Variants in SKAP1 observed in about 807,000 individuals in gnomAD.
SKAP1 encodes src kinase associated phosphoprotein 1.
In SKAP1, 44 loss-of-function variants were observed where a neutral mutation model predicts 58.5. The ratio of observed to expected loss-of-function variants is 0.75; its 90% CI spans 0.59 to 0.97. The LOEUF is 0.97. Ranked by LOEUF, SKAP1 falls within the 50% of genes least tolerant of loss-of-function variation. SKAP1 has a pLI of 0.00. For missense variants in SKAP1, 390 were observed against 435.2 expected, an observed-to-expected ratio of 0.90 and a Z score of 0.92; for synonymous variants, 127 against 149.7, an observed-to-expected ratio of 0.85 and a Z score of 1.11.
intron 4 of SKAP1, among the ~76,000 whole-genome samples, chr17:48,339,537 A>T (rs78379225): frequency 0.016 from 2,455 of 152,284 alleles, 33 homozygotes; most frequent in Non-Finnish European, 0.024. Flanking sequence ...AATTTTTTCA[A>T]TCTACTAGGG....
At chr17:48,336,424 A>G (rs1396590745) in intron 4 of SKAP1, among the ~76,000 whole-genome samples, 1 of 152,180 alleles carries the variant, frequency 6.6e-6, no homozygotes, top group Non-Finnish European at 1.5e-5. Context: ...ACAGGGGCAG[A>G]GTGAGGTAAG....
At chr17:48,369,546 A>G (rs2067057850) in intron 2 of SKAP1, among the ~76,000 whole-genome samples, 1 of 152,118 alleles carries the variant, frequency 6.6e-6, no homozygotes, top group Non-Finnish European at 1.5e-5. Flanking sequence ...GAAAGGTACA[A>G]ATAAATTGAA....
chr17:48,238,643 G>A (rs2065209034), intron 4 of SKAP1, among the ~76,000 whole-genome samples: 1 of 152,132 alleles, frequency 6.6e-6, no homozygotes. Context: ...AAAGTATTGG[G>A]ATTACAGGTA....
At chr17:48,282,033 G>A (rs933763765) in intron 4 of SKAP1, among the ~76,000 whole-genome samples, 2 of 152,094 alleles carry the variant, frequency 1.3e-5, no homozygotes, top group Non-Finnish European at 1.5e-5. Flanking sequence ...TTCATGCACC[G>A]ATAAGAATGG....
In SKAP1 at chr17:48,418,254, C is replaced by T. The variant is rs552325656; in HGVS notation, c.46+11821G>A. 2.5e-3 allele frequency among the ~76,000 whole-genome samples: 375 copies of T among 152,252 alleles called. 2 individuals carry two copies. Among genetic ancestry groups the T allele is most frequent in the African/African-American group, 8.5e-3 (353 of 41,536 alleles). ...GCAGTGAGCCGTAATCGTGCCACTG[C>T]GCTCCAGCCTGGACAACAGAATGAG... On this transcript the variant is annotated intron_variant, in intron 1 of 12. Coordinates refer to ENST00000336915, the MANE Select transcript of SKAP1 (RefSeq NM_003726.4).
intron 1 of SKAP1, among the ~76,000 whole-genome samples, chr17:48,408,438 T>C (rs1487526920): frequency 1.3e-5 from 2 of 152,060 alleles, no homozygotes; most frequent in Admixed American, 1.3e-4. Flanking sequence ...TCCCAGAGCA[T>C]ACAAAAAGAG....
At chr17:48,247,541 C>T (rs1319719929) in intron 4 of SKAP1, among the ~76,000 whole-genome samples, 3 of 152,142 alleles carry the variant, frequency 2.0e-5, no homozygotes, top group Admixed American at 6.5e-5. Context: ...ACCGTCTTTT[C>T]CTACCTCACA....
intron 4 of SKAP1, among the ~76,000 whole-genome samples, chr17:48,239,862 G>GAC (rs2065226710): frequency 6.6e-6 from 1 of 151,798 alleles, no homozygotes; most frequent in African/African-American, 2.4e-5. Context: ...GAGAGAGAGA[G>GAC]AGAGAGAGAG....
At chr17:48,432,196 C>G (rs2144637990), upstream of SKAP1, among the ~76,000 whole-genome samples, 1 of 152,264 alleles carries the variant, frequency 6.6e-6, no homozygotes, top group South Asian at 2.1e-4. Context: ...TTTGGGAGGC[C>G]AAGGCAGGCG....
intron 1 of SKAP1, among the ~76,000 whole-genome samples, chr17:48,398,913 T>C (rs892113506): frequency 6.6e-6 from 1 of 152,032 alleles, no homozygotes; most frequent in African/African-American, 2.4e-5. Context: ...CCCAGCTACT[T>C]GGGAGGCTGA....
At chr17:48,382,675 C>A (rs1057293251) in intron 2 of SKAP1, 2 of 152,230 alleles carry the variant, frequency 1.3e-5, no homozygotes, top group African/African-American at 4.8e-5. Flanking sequence ...ACTTCTATAA[C>A]CCTCAGTATA....
At chr17:48,411,352 T>A (rs2067662780) in intron 1 of SKAP1, among the ~76,000 whole-genome samples, 1 of 151,820 alleles carries the variant, frequency 6.6e-6, no homozygotes, top group South Asian at 2.1e-4. Flanking sequence ...TGAGCCGACA[T>A]CACGCCACTG....
At chr17:48,286,393 C>A (rs1056488551) in intron 4 of SKAP1, among the ~76,000 whole-genome samples, 11 of 152,174 alleles carry the variant, frequency 7.2e-5, no homozygotes, top group Non-Finnish European at 1.2e-4. Flanking sequence ...TGTAATTATA[C>A]CTAAACCACA....
chr17:48,358,551 C>A (rs1188781045), intron 3 of SKAP1, among the ~76,000 whole-genome samples: 1 of 152,056 alleles, frequency 6.6e-6, no homozygotes, highest in Admixed American at 6.6e-5. Flanking sequence ...TGGCTACCAC[C>A]AATAAAAATG....
chr17:48,153,876 C>A (rs2063935474), intron 11 of SKAP1, among the ~76,000 whole-genome samples: 1 of 149,210 alleles, frequency 6.7e-6, no homozygotes, highest in African/African-American at 2.5e-5. Context: ...CACCTCCTTT[C>A]CCTCAGAGCC....
chr17:48,270,171 A>G (rs2065609543), intron 4 of SKAP1, among the ~76,000 whole-genome samples: 1 of 152,204 alleles, frequency 6.6e-6, no homozygotes, highest in Non-Finnish European at 1.5e-5. Context: ...AAACATAGTG[A>G]AATTTTAAAC....
At chr17:48,440,701 A>G in the SKAP1 span, among the ~76,000 whole-genome samples, 1 of 152,184 alleles carries the variant, frequency 6.6e-6, no homozygotes, top group Non-Finnish European at 1.5e-5. Context: ...TCCCACCCTC[A>G]GTGGACTCAT....
chr17:48,150,777 C>T (rs1054184193), intron 11 of SKAP1, among the ~76,000 whole-genome samples: 8 of 152,106 alleles, frequency 5.3e-5, no homozygotes, highest in Non-Finnish European at 1.0e-4. Context: ...TACACGACAA[C>T]GGGTATTTAT....
At chr17:48,290,143 C>T (rs1418432817) in intron 4 of SKAP1, among the ~76,000 whole-genome samples, 1 of 152,042 alleles carries the variant, frequency 6.6e-6, no homozygotes, top group East Asian at 1.9e-4. Flanking sequence ...TATCAAAGTC[C>T]ACTAAATCTA....
Sources: allele counts gnomAD v4.1 joint callset (sites outside exome capture counted in the v4.1 genomes callset), GRCh38; gene constraint gnomAD v4.1.1; transcripts MANE v1.5; gene names NCBI Gene and HGNC (gene_info 2026-07-23, HGNC 2026-07-21).